Variants in JMJD1C observed in about 807,000 individuals in gnomAD.
The protein encoded by JMJD1C is jumonji domain-containing protein 1C.
JMJD1C carries 31 observed loss-of-function variants against 245.3 expected under a neutral mutation model. That is an observed-to-expected ratio of 0.13 (90% CI 0.09 to 0.17). JMJD1C has a LOEUF of 0.17. Ranked by LOEUF, JMJD1C falls within the 10% of genes least tolerant of loss-of-function variation. The pLI is 1.00. For missense variants in JMJD1C, 2,691 were observed against 3,000.2 expected (o/e 0.90, Z 2.41); for synonymous variants, 1,057 against 1,017.4 (o/e 1.04, Z -0.74).
At chr10:63,280,563 T>A (rs1404071904) in intron 2 of JMJD1C, among the ~76,000 whole-genome samples, 1 of 151,904 alleles carries the variant, frequency 6.6e-6, no homozygotes, top group African/African-American at 2.4e-5. Context: ...AAAAAAAAGA[T>A]TCTGAATGAA....
chr10:63,209,462 AATTT>A (rs1489971261), intron 8 of JMJD1C, among the ~76,000 whole-genome samples: 3 of 152,202 alleles, frequency 2.0e-5, no homozygotes, highest in Non-Finnish European at 4.4e-5. Context: ...AGTATTAAAT[AATTT>A]ATTGTCATCT....
chr10:63,377,350 T>TTTA (rs1946824116), intron 2 of JMJD1C, among the ~76,000 whole-genome samples: 1 of 152,222 alleles, frequency 6.6e-6, no homozygotes, highest in Admixed American at 6.5e-5. Context: ...ACGAATGTAC[T>TTTA]TACTACCAAT....
intron 2 of JMJD1C, among the ~76,000 whole-genome samples, chr10:63,275,548 A>G (rs556445925): frequency 6.6e-6 from 1 of 152,334 alleles, no homozygotes; most frequent in South Asian, 2.1e-4. Context: ...AAGATGATAA[A>G]ACACCAATAT....
intron 1 of JMJD1C, among the ~76,000 whole-genome samples, chr10:63,438,403 G>A (rs1256974161): frequency 6.6e-6 from 1 of 152,076 alleles, no homozygotes; most frequent in Non-Finnish European, 1.5e-5. Flanking sequence ...ATGATCTAAT[G>A]CTACCACAGA....
chr10:63,393,544 T>A (rs540057081), intron 1 of JMJD1C, among the ~76,000 whole-genome samples: 4 of 152,110 alleles, frequency 2.6e-5, no homozygotes, highest in Admixed American at 6.6e-5. Flanking sequence ...TGGGTATTTA[T>A]CCAAGGAAAA....
chr10:63,182,816 C>T (rs765060958), intron 22 of JMJD1C, among the ~76,000 whole-genome samples: 4 of 152,114 alleles, frequency 2.6e-5, no homozygotes, highest in Non-Finnish European at 5.9e-5. Context: ...TCTTTAGAAC[C>T]CTAAGAATTA....
At chr10:63,412,866 A>G (rs1168348866) in intron 1 of JMJD1C, among the ~76,000 whole-genome samples, 2 of 152,208 alleles carry the variant, frequency 1.3e-5, no homozygotes, top group African/African-American at 4.8e-5. Context: ...GCAAATCTCT[A>G]AAATATTTTG....
At chr10:63,257,437 C>G (rs952440554) in intron 3 of JMJD1C, among the ~76,000 whole-genome samples, 2 of 152,032 alleles carry the variant, frequency 1.3e-5, no homozygotes, top group African/African-American at 4.8e-5. Flanking sequence ...GGGCTTGATT[C>G]GTTTAATGTT....
At position 63,184,624 on chromosome 10, in the gene JMJD1C, C is replaced by G; in HGVS notation, c.6945G>C (p.Arg2315Ser). The G allele has an allele frequency of 6.2e-7, 1 of 1,610,278 alleles. No individual in the cohort carries two copies. Residue 2315 changes from arginine (R) to serine (S), a missense_variant, in exon 21 of 26, where the codon AGG (arginine) becomes AGC (serine). Around this residue, in one of 9 missense-constraint regions of JMJD1C, gnomAD observed 232 missense variants for 416.1 expected, o/e 0.56. Coordinates refer to ENST00000399262, the MANE Select transcript of JMJD1C (RefSeq NM_032776.3). ...TATACCTACCATAGGCACTGCACAACCTGGGTCCTAGATCAGGACGTACAA... is the reference window on the plus strand; with the variant it reads ...TATACCTACCATAGGCACTGCACAAGCTGGGTCCTAGATCAGGACGTACAA... Reference protein sequence around the residue: ...GFFVRPDLGPRLCSAYGVVAA... With the variant: ...GFFVRPDLGPSLCSAYGVVAA...
chr10:63,292,962 T>A (rs149165356), intron 2 of JMJD1C, among the ~76,000 whole-genome samples: 2,246 of 152,170 alleles, frequency 0.015, 51 homozygotes, highest in African/African-American at 0.051. Flanking sequence ...GAAAATCACT[T>A]GAACTCAGGA....
chr10:63,392,815 C>G (rs1157453799), intron 1 of JMJD1C, among the ~76,000 whole-genome samples: 1 of 112,002 alleles, frequency 8.9e-6, no homozygotes, highest in African/African-American at 3.5e-5. Flanking sequence ...CAGAGCGAGA[C>G]TTCGTCTCCA....
chr10:63,520,029 C>G (rs1201397272), intron 1 of JMJD1C, among the ~76,000 whole-genome samples: 1 of 152,076 alleles, frequency 6.6e-6, no homozygotes, highest in African/African-American at 2.4e-5. Flanking sequence ...ACTCAAATTC[C>G]TGAAATAAAA....
intron 17 of JMJD1C, among the ~76,000 whole-genome samples, chr10:63,190,090 G>A (rs1237670223): frequency 6.6e-6 from 1 of 151,416 alleles, no homozygotes; most frequent in Non-Finnish European, 1.5e-5. Flanking sequence ...TAGAGACAGG[G>A]TTTCACCATG....
At chr10:63,242,581 C>G (rs1851619847) in intron 3 of JMJD1C, among the ~76,000 whole-genome samples, 1 of 152,134 alleles carries the variant, frequency 6.6e-6, no homozygotes, top group Non-Finnish European at 1.5e-5. Flanking sequence ...CAAAAATTAG[C>G]TGGGCATGGT....
chr10:63,518,597 T>C (rs1480779481), intron 1 of JMJD1C, among the ~76,000 whole-genome samples: 1 of 152,218 alleles, frequency 6.6e-6, no homozygotes, highest in Admixed American at 6.5e-5. Context: ...AACCGTTGCA[T>C]GTGGAAACAG....
At chr10:63,380,613 T>C (rs753899936) in intron 1 of JMJD1C, 131 bp from the exon 2 acceptor site, 1 of 660,450 alleles carries the variant, frequency 1.5e-6, no homozygotes, top group Non-Finnish European at 2.6e-6. Context: ...CAATGTGTAA[T>C]GATCAAATCA....
At chr10:63,351,985 T>C (rs946522435) in intron 2 of JMJD1C, among the ~76,000 whole-genome samples, 5 of 152,190 alleles carry the variant, frequency 3.3e-5, no homozygotes, top group African/African-American at 1.2e-4. Flanking sequence ...ACCTCCATTC[T>C]AGACCTAAAT....
At chr10:63,435,015 T>A (rs1004137289) in intron 1 of JMJD1C, among the ~76,000 whole-genome samples, 1 of 152,228 alleles carries the variant, frequency 6.6e-6, no homozygotes, top group East Asian at 1.9e-4. Context: ...CCAATTAAAA[T>A]CTCACATTGT....
chr10:63,447,734 T>C (rs1951799962), intron 1 of JMJD1C, among the ~76,000 whole-genome samples: 1 of 151,884 alleles, frequency 6.6e-6, no homozygotes, highest in African/African-American at 2.4e-5. Context: ...AGTTGCAGTA[T>C]GTCAACCATA....
Sources: allele counts gnomAD v4.1 joint callset (sites outside exome capture counted in the v4.1 genomes callset), GRCh38; gene constraint gnomAD v4.1.1; regional missense constraint gnomAD v4.1.1; transcripts MANE v1.5; gene names NCBI Gene and HGNC (gene_info 2026-07-23, HGNC 2026-07-21).